SYNE1: variants seen among roughly 807,000 people sequenced by gnomAD.
SYNE1 encodes nesprin-1.
A neutral mutation model predicts 1,111.0 loss-of-function variants in SYNE1; 616 were observed. The ratio of observed to expected loss-of-function variants is 0.55; its 90% confidence interval spans 0.52 to 0.59. The LOEUF is 0.59. SYNE1 is among the 20% of genes least tolerant of loss of function. The pLI is 0.00. For synonymous variants in SYNE1, 3,855 were observed against 3,825.8 expected, an observed-to-expected ratio of 1.01 and a Z score of -0.28; for missense variants, 10,006 against 10,417.0, an observed-to-expected ratio of 0.96 and a Z score of 1.72.
intron 140 of SYNE1, among the ~76,000 whole-genome samples, chr6:152,137,966 T>A (rs1266531198): frequency 6.6e-6 from 1 of 152,174 alleles, no homozygotes; most frequent in Non-Finnish European, 1.5e-5. Flanking sequence ...CTCTCTGAGG[T>A]CTCAGACCCT....
At chr6:152,231,897 C>A (rs1417809518) in intron 113 of SYNE1, among the ~76,000 whole-genome samples, 2 of 151,614 alleles carry the variant, frequency 1.3e-5, no homozygotes, top group South Asian at 2.1e-4. Flanking sequence ...TTCTGTAATT[C>A]TTTAATAACA....
intron 93 of SYNE1, among the ~76,000 whole-genome samples, chr6:152,298,138 C>A (rs996647784): frequency 6.6e-6 from 1 of 152,264 alleles, no homozygotes; most frequent in East Asian, 1.9e-4. Context: ...GTTTAAAAAG[C>A]ACTTTCACGA....
At chr6:152,336,537 G>C (rs773355315) in intron 76 of SYNE1, 1 of 427,694 alleles carries the variant, frequency 2.3e-6, no homozygotes, top group Non-Finnish European at 4.4e-6. Context: ...TAGATCCCTT[G>C]CATGCGCAGT....
chr6:152,407,365 C>T (rs556654395), intron 44 of SYNE1, among the ~76,000 whole-genome samples, 169 bp from the exon 45 acceptor site: 103 of 152,262 alleles, frequency 6.8e-4, no homozygotes, highest in Non-Finnish European at 8.8e-4. Flanking sequence ...TAAATGCTAA[C>T]CAATACATAG....
At chr6:152,146,260 T>C (rs999459151) in intron 137 of SYNE1, 5 of 152,860 alleles carry the variant, frequency 3.3e-5, no homozygotes, top group Non-Finnish European at 5.8e-5. Context: ...AGAGCAGCGC[T>C]GTCCCATATA....
intron 3 of SYNE1, among the ~76,000 whole-genome samples, chr6:152,543,871 T>C (rs1388492125): frequency 6.6e-6 from 1 of 152,200 alleles, no homozygotes; most frequent in African/African-American, 2.4e-5. Flanking sequence ...CTAGGAGTAA[T>C]AGGCTATATC....
intron 3 of SYNE1, among the ~76,000 whole-genome samples, chr6:152,567,425 T>A (rs550580037): frequency 6.6e-6 from 1 of 152,352 alleles, no homozygotes; most frequent in East Asian, 1.9e-4. Context: ...GCTTACATGT[T>A]TCTTTAATAG....
chr6:152,346,479 T>C (rs1360870516), intron 73 of SYNE1, among the ~76,000 whole-genome samples: 1 of 152,128 alleles, frequency 6.6e-6, no homozygotes, highest in Non-Finnish European at 1.5e-5. Flanking sequence ...AATCAACTTT[T>C]AACAAACCTT....
chr6:152,164,036 C>T, intron 131 of SYNE1, 127 bp downstream of exon 131: 1 of 1,317,748 alleles, frequency 7.6e-7, no homozygotes, highest in East Asian at 2.3e-5. Context: ...CCCCCTTCCT[C>T]ACCAGTCCTG....
chr6:152,313,709 C>T (rs1336745049), intron 87 of SYNE1, among the ~76,000 whole-genome samples: 1 of 152,048 alleles, frequency 6.6e-6, no homozygotes, highest in Non-Finnish European at 1.5e-5. Flanking sequence ...AGTGATCCAC[C>T]CCTCTTGGCC....
chr6:152,510,420 T>G (rs1338712399), intron 7 of SYNE1, 49 bp from the exon 8 acceptor site: 2 of 1,590,686 alleles, frequency 1.3e-6, no homozygotes. Context: ...ATCTTTGTTA[T>G]TATTTCCTCA....
Position 152,180,313 on chromosome 6 carries a change from G to A in SYNE1, c.23302-19C>T, listed in dbSNP as rs2153180755. Reference sequence around the variant, plus strand: ...AGGAGAGCTGAAAAGTTTAAAATGGGAGAATAGGCAAAATGATTATCAGAG... The same window carrying A: ...AGGAGAGCTGAAAAGTTTAAAATGGAAGAATAGGCAAAATGATTATCAGAG... On this transcript the variant is annotated intron_variant, in intron 128 of 145. Coordinates refer to ENST00000367255, the MANE Select transcript of SYNE1 (RefSeq NM_182961.4). 1.2e-6 allele frequency: 2 copies of A among 1,613,328 alleles called. No homozygotes were observed. The highest frequency in any genetic ancestry group is 1.7e-6 in the Non-Finnish European group (2 of 1,179,658).
chr6:152,218,313 C>T lies in SYNE1; in HGVS notation c.22135G>A (p.Asp7379Asn), dbSNP rs771546072. The T allele has an allele frequency of 4.3e-6, 7 of 1,614,064 alleles. No individual in the cohort carries two copies. Among genetic ancestry groups the T allele is most frequent in the Non-Finnish European group, 5.9e-6 (7 of 1,179,988 alleles). Reference sequence around the variant, plus strand: ...GAGAGGTCAGATGAGTGGCTAGGGTCCTGCCCTTGTAGTATTTCTTCAGCT... The same window carrying T: ...GAGAGGTCAGATGAGTGGCTAGGGTTCTGCCCTTGTAGTATTTCTTCAGCT... Reference protein sequence around the residue: ...VEAEEILQGQDPSHSSDLSTI... With the variant: ...VEAEEILQGQNPSHSSDLSTI... The change falls in exon 121 of 146, where the codon GAC becomes AAC. Residue 7379 changes from aspartate to asparagine, a missense_variant. Transcript: ENST00000367255.
chr6:152,207,202 C>A (rs937021213), intron 125 of SYNE1, among the ~76,000 whole-genome samples: 1 of 152,120 alleles, frequency 6.6e-6, no homozygotes, highest in Non-Finnish European at 1.5e-5. Flanking sequence ...AGACTAATGG[C>A]ACTTCCTGGA....
In SYNE1 at chr6:152,623,127, G is replaced by A. The variant is rs555878121; in HGVS notation, c.67+5138C>T. Among the ~76,000 whole-genome samples the A allele has an allele frequency of 3.3e-5, 5 of 152,180 alleles. No individual in the cohort carries two copies. The South Asian group carries it at 1.0e-3, about 32-fold the overall frequency. The stretch of plus-strand genomic sequence containing the variant: ...CTGCAGGGCTACAGTAACCAAAACA[G>A]CATAATACTGGTACAAAAACAGACA... On this transcript the variant is annotated intron_variant, in intron 3 of 145. Coordinates refer to ENST00000367255, the MANE Select transcript of SYNE1 (RefSeq NM_182961.4).
chr6:152,248,241 C>A (rs936302986), intron 105 of SYNE1, among the ~76,000 whole-genome samples: 1 of 152,180 alleles, frequency 6.6e-6, no homozygotes, highest in Non-Finnish European at 1.5e-5. Flanking sequence ...GATCTCCCAG[C>A]TGAGTCTAAA....
chr6:152,271,487 TG>T (rs1196045932), intron 98 of SYNE1, among the ~76,000 whole-genome samples: 72 of 152,320 alleles, frequency 4.7e-4, no homozygotes, highest in African/African-American at 1.7e-3. Flanking sequence ...AGTTGCATTT[TG>T]CAAGACCTTC....
At position 152,330,548 on chromosome 6, in the gene SYNE1, G is replaced by C; in HGVS notation, c.14137C>G (p.Gln4713Glu). The change falls in exon 78 of 146, where the codon CAA (glutamine) becomes GAA (glutamate). Residue 4713 changes from glutamine to glutamate, a missense_variant. Coordinates refer to ENST00000367255, the MANE Select transcript of SYNE1 (RefSeq NM_182961.4). ...DLAVEEALSL[Q>E]DGCRAILDEV... ...TCCAGAATGGCTCTGCAACCATCTT[G>C]CAGAGAAAGAGCCTCCTCAACGGCC... The C allele has an allele frequency of 6.2e-7, 1 of 1,614,052 alleles. No homozygotes were observed. The highest frequency in any genetic ancestry group is 1.1e-5 in the South Asian group (1 of 91,080).
intron 11 of SYNE1, among the ~76,000 whole-genome samples, chr6:152,492,676 C>A (rs1033176864): frequency 6.6e-6 from 1 of 152,208 alleles, no homozygotes; most frequent in Non-Finnish European, 1.5e-5. Context: ...CTCAGCTTAG[C>A]GGCTGAAGAC....
Sources: gnomAD v4.1 joint callset for allele counts (sites outside exome capture counted in the v4.1 genomes callset) on GRCh38, gnomAD v4.1.1 for gene constraint, MANE v1.5 for transcripts, NCBI Gene and HGNC (gene_info 2026-07-23, HGNC 2026-07-21) for gene names.